NR3C2: variants seen among roughly 807,000 people sequenced by gnomAD.
The protein encoded by NR3C2 is nuclear receptor subfamily 3 group C member 2.
In NR3C2, 15 loss-of-function variants were observed where a neutral mutation model predicts 86.4. That is an observed-to-expected ratio of 0.17 (90% CI 0.12 to 0.27). The LOEUF (loss-of-function observed/expected upper bound fraction) is 0.27. NR3C2 is among the 10% of genes least tolerant of loss of function. The probability of loss-of-function intolerance (pLI) is 1.00; values close to 1 mark genes in which losing one functional copy is unlikely to be tolerated. For synonymous variants in NR3C2, 458 were observed against 450.5 expected (o/e 1.02, Z -0.21); for missense variants, 960 against 1,195.6 (o/e 0.80, Z 2.91).
At chr4:148,231,698 AAGATTT>A (rs774179199) in intron 3 of NR3C2, among the ~76,000 whole-genome samples, 105 of 152,250 alleles carry the variant, frequency 6.9e-4, no homozygotes, top group Non-Finnish European at 1.1e-3. Flanking sequence ...GTTTGCTGCA[AAGATTT>A]ACTTTTCCTT....
chr4:148,440,562 C>A (rs1406288817), intron 1 of NR3C2, among the ~76,000 whole-genome samples: 1 of 152,218 alleles, frequency 6.6e-6, no homozygotes, highest in Non-Finnish European at 1.5e-5. Context: ...ACCAAAGATT[C>A]TCTTAGGACA....
rs529963544 is a variant in NR3C2 at position 148,176,255 on chromosome 4, G to A, written c.2014+18491C>T. Among the ~76,000 whole-genome samples the A allele has an allele frequency of 3.2e-4, 48 of 152,298 alleles. No individual in the cohort carries two copies. In the South Asian group the frequency reaches 9.6e-3, roughly 30 times the overall value. ...TTTTTTGGTAAGAATTTGAGGGGCC[G>A]ATTTTCATATTCTGAGTTCAGGGAG... On this transcript the variant is annotated intron_variant, in intron 4 of 8. Coordinates refer to ENST00000358102, the MANE Select transcript of NR3C2 (RefSeq NM_000901.5).
intron 2 of NR3C2, among the ~76,000 whole-genome samples, chr4:148,339,597 A>G (rs1744655283): frequency 6.6e-6 from 1 of 152,144 alleles, no homozygotes; most frequent in Non-Finnish European, 1.5e-5. Context: ...TGCATAATGA[A>G]CTAATTGATA....
At chr4:148,250,701 C>T (rs1029646662) in intron 3 of NR3C2, among the ~76,000 whole-genome samples, 2 of 152,200 alleles carry the variant, frequency 1.3e-5, no homozygotes, top group Non-Finnish European at 2.9e-5. Context: ...CTCTTGTATT[C>T]CTGTTTATCC....
chr4:148,166,469 C>T (rs188602871), intron 4 of NR3C2, among the ~76,000 whole-genome samples: 80 of 152,308 alleles, frequency 5.3e-4, no homozygotes, highest in East Asian at 3.3e-3. Flanking sequence ...GGTATTCTGC[C>T]GCAGTGTAAA....
intron 6 of NR3C2, among the ~76,000 whole-genome samples, chr4:148,126,100 G>C (rs1008444992): frequency 6.6e-6 from 1 of 152,210 alleles, no homozygotes; most frequent in Non-Finnish European, 1.5e-5. Context: ...CCCTGGCTTT[G>C]CCCCAGCAGG....
intron 6 of NR3C2, among the ~76,000 whole-genome samples, chr4:148,139,819 C>A (rs1053118275): frequency 6.6e-6 from 1 of 152,170 alleles, no homozygotes; most frequent in African/African-American, 2.4e-5. Flanking sequence ...GAAAATTAAA[C>A]AACCTTTTCA....
At chr4:148,125,880 T>C (rs1248616282) in intron 6 of NR3C2, among the ~76,000 whole-genome samples, 5 of 152,224 alleles carry the variant, frequency 3.3e-5, no homozygotes, top group African/African-American at 9.6e-5. Flanking sequence ...TGGCAATTTA[T>C]AAAAAGTAAG....
intron 2 of NR3C2, among the ~76,000 whole-genome samples, chr4:148,388,607 C>T (rs1046777482): frequency 1.3e-5 from 2 of 152,136 alleles, no homozygotes; most frequent in Non-Finnish European, 2.9e-5. Context: ...TAAAATCAGA[C>T]AGAAAATTTT....
chr4:148,424,581 TA>T (rs1011163697), intron 2 of NR3C2, among the ~76,000 whole-genome samples: 1 of 151,824 alleles, frequency 6.6e-6, no homozygotes, highest in African/African-American at 2.4e-5. Flanking sequence ...GATATAGCCA[TA>T]AATGGAATAG....
intron 2 of NR3C2, among the ~76,000 whole-genome samples, chr4:148,317,824 A>G (rs1221821016): frequency 6.6e-6 from 1 of 151,902 alleles, no homozygotes; most frequent in Non-Finnish European, 1.5e-5. Context: ...TTTAGTGATT[A>G]TATAAATAAC....
At chr4:148,342,413 A>T (rs1300478942) in intron 2 of NR3C2, among the ~76,000 whole-genome samples, 1 of 152,210 alleles carries the variant, frequency 6.6e-6, no homozygotes, top group East Asian at 1.9e-4. Context: ...GCCCTGAGCC[A>T]TTATAAACAC....
At chr4:148,313,928 T>C (rs1258932518) in intron 2 of NR3C2, among the ~76,000 whole-genome samples, 1 of 152,218 alleles carries the variant, frequency 6.6e-6, no homozygotes, top group African/African-American at 2.4e-5. Flanking sequence ...ATATAACCTA[T>C]GCATTACATC....
chr4:148,399,148 A>C (rs1748013175), intron 2 of NR3C2, among the ~76,000 whole-genome samples: 2 of 152,164 alleles, frequency 1.3e-5, no homozygotes, highest in African/African-American at 4.8e-5. Flanking sequence ...GCATCCCTTA[A>C]AACAGTGGCC....
chr4:148,412,834 CA>C (rs1748776234), intron 2 of NR3C2, among the ~76,000 whole-genome samples: 4 of 120,338 alleles, frequency 3.3e-5, no homozygotes, highest in African/African-American at 1.1e-4. Context: ...CACACACACA[CA>C]CACACACCCC....
At chr4:148,443,886 C>A (rs1347927557), upstream of NR3C2, 1 of 594,306 alleles carries the variant, frequency 1.7e-6, no homozygotes, top group Non-Finnish European at 2.1e-6. Context: ...GAGACTTGAA[C>A]TCTCAGCCGC....
At chr4:148,303,239 A>G (rs1247235184) in intron 2 of NR3C2, among the ~76,000 whole-genome samples, 1 of 152,200 alleles carries the variant, frequency 6.6e-6, no homozygotes, top group Non-Finnish European at 1.5e-5. Context: ...GTTTTTGCCT[A>G]CATTTTAGAC....
chr4:148,209,125 T>C (rs1427946334), intron 3 of NR3C2, among the ~76,000 whole-genome samples: 1 of 151,374 alleles, frequency 6.6e-6, no homozygotes, highest in African/African-American at 2.4e-5. Context: ...GCACCTGCAA[T>C]CCCAGCTACT....
chr4:148,411,799 T>C (rs7682972), intron 2 of NR3C2, among the ~76,000 whole-genome samples: 124,427 of 152,162 alleles, frequency 0.82, 51,689 homozygotes, highest in Non-Finnish European at 0.88. Context: ...TAGACTTCAG[T>C]GTTGCTAGAA....
Sources: allele counts gnomAD v4.1 joint callset (sites outside exome capture counted in the v4.1 genomes callset), GRCh38; gene constraint gnomAD v4.1.1; transcripts MANE v1.5; gene names NCBI Gene and HGNC (gene_info 2026-07-23, HGNC 2026-07-21).